ETS1: variants seen among roughly 807,000 people sequenced by gnomAD.
ETS1 encodes protein C-ets-1.
Under a neutral mutation model 58.6 loss-of-function variants are expected in ETS1, and 15 were observed. The ratio of observed to expected loss-of-function variants is 0.26; its 90% CI spans 0.17 to 0.39. The LOEUF is 0.39. ETS1 is among the 10% of genes least tolerant of loss of function. The pLI, the probability that ETS1 is intolerant of heterozygous loss-of-function variation, is 1.00. For synonymous variants in ETS1, 214 were observed against 218.2 expected (o/e 0.98, Z 0.17); for missense variants, 417 against 610.5 (o/e 0.68, Z 3.34).
intron 1 of ETS1, among the ~76,000 whole-genome samples, chr11:128,574,859 G>A (rs913795307): frequency 6.6e-6 from 1 of 152,206 alleles, no homozygotes; most frequent in African/African-American, 2.4e-5. Context: ...TAACAACATT[G>A]ATTGTGTCAT....
At chr11:128,546,041 A>G (rs1389867992) in intron 3 of ETS1, among the ~76,000 whole-genome samples, 1 of 152,172 alleles carries the variant, frequency 6.6e-6, no homozygotes, top group African/African-American at 2.4e-5. Context: ...TAAAACCCAA[A>G]ATTCAACCAG....
At position 128,462,457 on chromosome 11, in the gene ETS1, G is replaced by A. The variant is rs189020853; in HGVS notation, c.1362C>T (p.Tyr454=). The A allele has an allele frequency of 2.4e-5, 39 of 1,614,164 alleles. No individual in the cohort carries two copies. Among genetic ancestry groups the A allele is most frequent in the African/African-American group, 4.0e-5 (3 of 75,048 alleles). Residue 454 remains tyrosine, a synonymous_variant, in exon 10 of 10, where the codon TAC becomes TAT. Coordinates refer to ENST00000392668, the MANE Select transcript of ETS1 (RefSeq NM_001143820.2). ...GCAGGTCACACACAAAGCGGTACAC[G>A]TAGCGTTTCCCCGCTGTCTTGTGGA... ...NIIHKTAGKR[Y]VYRFVCDLQS...
At chr11:128,551,421 T>C (rs1292345982) in intron 3 of ETS1, among the ~76,000 whole-genome samples, 4 of 152,264 alleles carry the variant, frequency 2.6e-5, no homozygotes, top group Non-Finnish European at 5.9e-5. Flanking sequence ...AATCTCAGCG[T>C]ATCTCCCACT....
chr11:128,535,903 T>C (rs1323114193), intron 3 of ETS1, among the ~76,000 whole-genome samples: 1 of 152,192 alleles, frequency 6.6e-6, no homozygotes, highest in Non-Finnish European at 1.5e-5. Context: ...GTTTGCAACC[T>C]CCAACCTGAG....
chr11:128,514,140 G>A (rs987473744), intron 3 of ETS1, among the ~76,000 whole-genome samples: 8 of 151,978 alleles, frequency 5.3e-5, no homozygotes, highest in Non-Finnish European at 1.0e-4. Context: ...TTTGTACCTT[G>A]AAAATATGTA....
chr11:128,555,438 T>C (rs1864297533), intron 3 of ETS1, among the ~76,000 whole-genome samples: 3 of 152,172 alleles, frequency 2.0e-5, no homozygotes. Context: ...TCCCAACATG[T>C]AAGAGTAATG....
At chr11:128,473,678 C>T (rs1462605226) in intron 8 of ETS1, among the ~76,000 whole-genome samples, 1 of 152,180 alleles carries the variant, frequency 6.6e-6, no homozygotes, top group Non-Finnish European at 1.5e-5. Flanking sequence ...CTGATGAGTG[C>T]TCCAACCTGC....
intron 7 of ETS1, among the ~76,000 whole-genome samples, chr11:128,484,300 T>C (rs1862566562): frequency 6.6e-6 from 1 of 152,128 alleles, no homozygotes; most frequent in South Asian, 2.1e-4. Flanking sequence ...TGGTTAACCA[T>C]CTTGTATCTT....
At chr11:128,502,161 C>A (rs961299623) in intron 3 of ETS1, among the ~76,000 whole-genome samples, 1 of 152,226 alleles carries the variant, frequency 6.6e-6, no homozygotes, top group Non-Finnish European at 1.5e-5. Context: ...GAAGTCTGCC[C>A]TGTATGCACA....
chr11:128,490,053 T>A (rs1862754245), intron 4 of ETS1, among the ~76,000 whole-genome samples: 1 of 152,242 alleles, frequency 6.6e-6, no homozygotes, highest in Non-Finnish European at 1.5e-5. Context: ...TCTGTACTTA[T>A]CATAAGCTAT....
intron 9 of ETS1, 83 bp from the exon 10 acceptor site, chr11:128,462,659 T>C: frequency 3.0e-6 from 3 of 988,172 alleles, no homozygotes; most frequent in Non-Finnish European, 4.7e-6. Flanking sequence ...ATGCCTATGC[T>C]ATACCCATTC....
intron 8 of ETS1, among the ~76,000 whole-genome samples, chr11:128,476,295 T>C (rs1256860890): frequency 2.0e-5 from 3 of 152,214 alleles, no homozygotes; most frequent in Non-Finnish European, 4.4e-5. Context: ...CCCTCCCACA[T>C]ACCCCTAACC....
At chr11:128,533,856 T>G (rs1278803311) in intron 3 of ETS1, among the ~76,000 whole-genome samples, 2 of 152,230 alleles carry the variant, frequency 1.3e-5, no homozygotes, top group Non-Finnish European at 2.9e-5. Flanking sequence ...ACTTAGTGAA[T>G]GCTTAATAAG....
intron 3 of ETS1, chr11:128,536,560 A>T (rs756025282): frequency 2.0e-5 from 3 of 152,214 alleles, no homozygotes; most frequent in Non-Finnish European, 2.9e-5. Context: ...AGAGAATAGC[A>T]TACATTCTGT....
intron 8 of ETS1, among the ~76,000 whole-genome samples, chr11:128,478,376 G>A (rs1200517640): frequency 2.1e-4 from 5 of 23,776 alleles, no homozygotes; most frequent in African/African-American, 4.1e-4. Context: ...AGGAAGGGAG[G>A]GAGGGAGGAA....
intron 3 of ETS1, among the ~76,000 whole-genome samples, chr11:128,509,059 G>A (rs531844893): frequency 5.3e-5 from 8 of 151,960 alleles, no homozygotes; most frequent in South Asian, 2.1e-4. Flanking sequence ...AAACTAAATC[G>A]CTGTTCGGTT....
intron 5 of ETS1, among the ~76,000 whole-genome samples, chr11:128,487,057 T>A (rs1013392499): frequency 6.6e-6 from 1 of 152,240 alleles, no homozygotes; most frequent in African/African-American, 2.4e-5. Flanking sequence ...GATAAAATGA[T>A]TAAACTTTGC....
At chr11:128,500,439 T>A (rs1475027584) in intron 3 of ETS1, among the ~76,000 whole-genome samples, 3 of 152,096 alleles carry the variant, frequency 2.0e-5, no homozygotes, top group Non-Finnish European at 4.4e-5. Flanking sequence ...AAAGGACCGT[T>A]TTTCCAATGG....
In ETS1 at chr11:128,548,590, T is replaced by G. The variant is rs141383502; in HGVS notation, c.214+7701A>C. Among the ~76,000 whole-genome samples, 628 of 152,338 alleles carry G rather than the reference T, an allele frequency of 4.1e-3. 1 individual carries two copies. Among genetic ancestry groups the G allele is most frequent in the African/African-American group, 0.014 (596 of 41,594 alleles). On this transcript the variant is annotated intron_variant, in intron 3 of 9. Transcript: ENST00000392668. Reference sequence around the variant, plus strand: ...AACTCCCTGTAACCTCTTGCAAAACTAAATCTAAGCCCAGAATCTCTTCTG... The same window carrying G: ...AACTCCCTGTAACCTCTTGCAAAACGAAATCTAAGCCCAGAATCTCTTCTG...
Sources: allele counts gnomAD v4.1 joint callset (sites outside exome capture counted in the v4.1 genomes callset), GRCh38; gene constraint gnomAD v4.1.1; transcripts MANE v1.5; gene names NCBI Gene and HGNC (gene_info 2026-07-23, HGNC 2026-07-21).